The following RGS5 variants were observed in gnomAD, a reference collection of about 807,000 sequenced individuals.
RGS5 encodes regulator of G protein signaling 5.
In RGS5, 20 loss-of-function variants were observed where a neutral mutation model predicts 18.9. That is an observed-to-expected ratio of 1.06 (90% CI 0.74 to 1.54). RGS5 has a LOEUF of 1.54. Ranked by LOEUF, RGS5 falls within the 40% of genes most tolerant of loss-of-function variation. The pLI, the probability that RGS5 is intolerant of heterozygous loss-of-function variation, is 0.00. For missense variants in RGS5, 201 were observed against 211.8 expected (o/e 0.95, Z 0.32); for synonymous variants, 57 against 76.2 (o/e 0.75, Z 1.31).
upstream of RGS5, among the ~76,000 whole-genome samples, chr1:163,218,444 A>C (rs1356649021): frequency 6.6e-6 from 1 of 152,138 alleles, no homozygotes. Flanking sequence ...ATCCACTGTT[A>C]GATATTAATT....
chr1:163,218,954 G>T (rs570297476), upstream of RGS5, among the ~76,000 whole-genome samples: 1 of 152,152 alleles, frequency 6.6e-6, no homozygotes, highest in African/African-American at 2.4e-5. Flanking sequence ...CTATAATTGC[G>T]TGAGGGCCAG....
At chr1:163,249,784 C>T (rs547339427) in intron 2 of RGS5, among the ~76,000 whole-genome samples, 4 of 151,958 alleles carry the variant, frequency 2.6e-5, no homozygotes, top group Non-Finnish European at 5.9e-5. Flanking sequence ...GAGCAAGACT[C>T]CATCTCAAAA....
intron 4 of RGS5, among the ~76,000 whole-genome samples, chr1:163,148,113 G>A (rs1657230225): frequency 6.6e-6 from 1 of 151,790 alleles, no homozygotes; most frequent in Admixed American, 6.6e-5. Flanking sequence ...TTTTGATAGA[G>A]ACGGGGTTTT....
intron 2 of RGS5, among the ~76,000 whole-genome samples, chr1:163,297,386 G>A (rs1456973540): frequency 6.6e-6 from 1 of 152,114 alleles, no homozygotes. Flanking sequence ...ATTTGTGTAG[G>A]AGAGCTATGT....
At chr1:163,197,304 TC>T (rs1659598469) in intron 1 of RGS5, among the ~76,000 whole-genome samples, 1 of 152,084 alleles carries the variant, frequency 6.6e-6, no homozygotes, top group Non-Finnish European at 1.5e-5. Flanking sequence ...TCCTTCTCTC[TC>T]CTCTTCCTGT....
At chr1:163,248,549 A>G (rs1317891973) in intron 2 of RGS5, 1 of 152,152 alleles carries the variant, frequency 6.6e-6, no homozygotes, top group Non-Finnish European at 1.5e-5. Context: ...TGTTCTGGGC[A>G]CTGATCAGAG....
chr1:163,145,200 A>G lies in RGS5; in HGVS notation c.*2142T>C, dbSNP rs1246806149. 2 of 152,058 alleles carry G rather than the reference A, an allele frequency of 1.3e-5. No homozygotes were observed. The highest frequency in any genetic ancestry group is 1.3e-4 in the Admixed American group (2 of 15,254). The allele number at this position is 152,058 out of a possible 1,614,324, so 9.4% of individuals were successfully genotyped here. A position where few individuals can be genotyped will look rare whatever the true frequency, so the allele number is the denominator to read the frequency against. ...GTCCACTGGAGTCTTCATAACATCA[A>G]CCCTCTAGGTGAGATCTGTAATAGC... On this transcript the variant is annotated 3_prime_UTR_variant, in exon 5 of 5. Coordinates refer to ENST00000313961, the MANE Select transcript of RGS5 (RefSeq NM_003617.4).
intron 1 of RGS5, among the ~76,000 whole-genome samples, chr1:163,317,282 C>G (rs137990332): frequency 6.6e-6 from 1 of 152,100 alleles, no homozygotes; most frequent in East Asian, 1.9e-4. Context: ...GCATCTCCAG[C>G]GTATAAAGAT....
chr1:163,189,946 A>G (rs1001713627), intron 1 of RGS5, among the ~76,000 whole-genome samples: 12 of 152,238 alleles, frequency 7.9e-5, no homozygotes, highest in Non-Finnish European at 1.2e-4. Context: ...TTGAAATTTG[A>G]TAGTTATGAA....
In RGS5 at chr1:163,161,947, C is replaced by A; in HGVS notation, c.185G>T (p.Arg62Leu). 6.2e-7 allele frequency: 1 copy of A among 1,613,290 alleles called. No homozygotes were observed. Among genetic ancestry groups the A allele is most frequent in the South Asian group, 1.1e-5 (1 of 91,058 alleles). The change falls in exon 3 of 5, where the codon CGT becomes CTT. Residue 62 changes from arginine (R) to leucine (L), a missense_variant. Arg to Leu is a moderately radical substitution (Grantham distance 102, BLOSUM62 -2). Transcript: ENST00000313961. Reference sequence around the variant, plus strand: ...CTGCAGGAGTTTGTCCAGGGAATCACGCCACTGCAGGGCCTCGTCCAGCGA... The same window carrying A: ...CTGCAGGAGTTTGTCCAGGGAATCAAGCCACTGCAGGGCCTCGTCCAGCGA... ...KTSLDEALQW[R>L]DSLDKLLQNN... is the part of the protein sequence containing the mutation.
chr1:163,168,954 T>G (rs554122792), intron 1 of RGS5, among the ~76,000 whole-genome samples: 1 of 152,094 alleles, frequency 6.6e-6, no homozygotes, highest in Non-Finnish European at 1.5e-5. Context: ...GTTGGTGTGC[T>G]GCACCCATCA....
At chr1:163,219,914 T>G (rs1483801353), upstream of RGS5, among the ~76,000 whole-genome samples, 2 of 152,320 alleles carry the variant, frequency 1.3e-5, no homozygotes, top group East Asian at 3.9e-4. Context: ...TGGACTCATT[T>G]CTGTTGGCTA....
intron 1 of RGS5, among the ~76,000 whole-genome samples, chr1:163,176,064 T>C (rs184421933): frequency 4.1e-4 from 63 of 152,362 alleles, no homozygotes; most frequent in East Asian, 3.9e-4. Context: ...GACAATGTCA[T>C]TTGTGTCAAA....
Position 163,168,380 on chromosome 1 carries a change from GAC to G in RGS5, c.45-14_45-13del. The G allele has an allele frequency of 6.3e-7, 1 of 1,591,052 alleles. No homozygotes were observed. The highest frequency in any genetic ancestry group is 8.6e-7 in the Non-Finnish European group (1 of 1,159,254). ...TAATCTCCTTGGCCCTGAAAGAAGA[GAC>G]ACAAGGGGAAATGAGGACACCACAT... On this transcript the variant is annotated splice_polypyrimidine_tract_variant and intron_variant, in intron 1 of 4. Transcript: ENST00000313961.
At chr1:163,283,974 T>A (rs1649068472) in intron 2 of RGS5, among the ~76,000 whole-genome samples, 1 of 152,174 alleles carries the variant, frequency 6.6e-6, no homozygotes, top group Non-Finnish European at 1.5e-5. Flanking sequence ...CTAAGCCATA[T>A]CCAGACTCCT....
intron 2 of RGS5, among the ~76,000 whole-genome samples, chr1:163,283,536 T>C (rs1649054090): frequency 6.6e-6 from 1 of 152,192 alleles, no homozygotes; most frequent in Admixed American, 6.5e-5. Context: ...TGTATCCTGA[T>C]TTCATACCTC....
chr1:163,298,895 G>T (rs1483216621), intron 2 of RGS5, among the ~76,000 whole-genome samples: 1 of 152,142 alleles, frequency 6.6e-6, no homozygotes, highest in Non-Finnish European at 1.5e-5. Context: ...TACTATGCAG[G>T]TTAAGTAGAT....
At chr1:163,317,858 T>C (rs1038530152) in intron 1 of RGS5, among the ~76,000 whole-genome samples, 8 of 152,146 alleles carry the variant, frequency 5.3e-5, no homozygotes, top group Non-Finnish European at 1.0e-4. Flanking sequence ...TTTTTTTTTT[T>C]CTTTTTTCCC....
chr1:163,147,932 T>C (rs1460441993), intron 4 of RGS5, among the ~76,000 whole-genome samples: 30 of 138,064 alleles, frequency 2.2e-4, no homozygotes, highest in Admixed American at 1.0e-3. Context: ...TTTTTTTTTT[T>C]TTTTTTTTGT....
Sources: gnomAD v4.1 joint callset for allele counts (sites outside exome capture counted in the v4.1 genomes callset) on GRCh38, gnomAD v4.1.1 for gene constraint, MANE v1.5 for transcripts, NCBI Gene and HGNC (gene_info 2026-07-23, HGNC 2026-07-21) for gene names.